TCF20: variants seen among roughly 807,000 people sequenced by gnomAD.
TCF20 encodes the protein SPRE-binding protein.
TCF20 carries 3 observed loss-of-function variants against 148.6 expected under a neutral mutation model. The observed-to-expected ratio is 0.02, with a 90% CI of 0.01 to 0.05. The LOEUF (loss-of-function observed/expected upper bound fraction) is 0.05. TCF20 is among the 10% of genes least tolerant of loss of function. The pLI is 1.00. For missense variants in TCF20, 2,350 were observed against 2,429.3 expected (o/e 0.97, Z 0.69); for synonymous variants, 1,049 against 909.5 (o/e 1.15, Z -2.76).
chr22:42,266,763 A>G (rs1248652439), intron 1 of TCF20, among the ~76,000 whole-genome samples: 1 of 152,130 alleles, frequency 6.6e-6, no homozygotes, highest in East Asian at 1.9e-4. Flanking sequence ...TGGGCAACAG[A>G]GCGAGACTCC....
upstream of TCF20, among the ~76,000 whole-genome samples, chr22:42,287,949 G>A (rs1043154742): frequency 6.6e-6 from 1 of 152,212 alleles, no homozygotes; most frequent in African/African-American, 2.4e-5. Context: ...GCAATTGAGC[G>A]AAAAAGTGCA....
At chr22:42,220,852 TTTCTCC>T (rs1922292205) in intron 1 of TCF20, among the ~76,000 whole-genome samples, 2 of 152,144 alleles carry the variant, frequency 1.3e-5, no homozygotes, top group African/African-American at 4.8e-5. Flanking sequence ...ATATAGCCAC[TTTCTCC>T]AAACTCCAGG....
At chr22:42,180,327 G>A (rs1017622223) in intron 2 of TCF20, among the ~76,000 whole-genome samples, 3 of 152,094 alleles carry the variant, frequency 2.0e-5, no homozygotes, top group African/African-American at 7.2e-5. Context: ...CAGAAAACCT[G>A]CCATGAATTT....
intron 2 of TCF20, among the ~76,000 whole-genome samples, chr22:42,184,521 G>A (rs370784329): frequency 2.6e-5 from 4 of 152,180 alleles, no homozygotes; most frequent in East Asian, 1.9e-4. Flanking sequence ...TTTACCTGGA[G>A]TAGCTATTTG....
At chr22:42,255,710 G>A (rs1925703234) in intron 1 of TCF20, among the ~76,000 whole-genome samples, 1 of 152,116 alleles carries the variant, frequency 6.6e-6, no homozygotes. Flanking sequence ...AATCAGAACA[G>A]TAAGAGGCCA....
At chr22:42,253,055 G>A (rs1925506051) in intron 1 of TCF20, among the ~76,000 whole-genome samples, 1 of 152,084 alleles carries the variant, frequency 6.6e-6, no homozygotes, top group Non-Finnish European at 1.5e-5. Flanking sequence ...GCCTTCAAGT[G>A]ACAGGGGGCC....
At chr22:42,179,461 A>C in intron 3 of TCF20, 148 bp downstream of exon 3, 1 of 553,018 alleles carries the variant, frequency 1.8e-6, no homozygotes, top group African/African-American at 2.0e-5. Flanking sequence ...GAGTGCTGCT[A>C]ATGGGTGGGA....
At chr22:42,257,424 A>G (rs549525457) in intron 1 of TCF20, among the ~76,000 whole-genome samples, 8 of 152,366 alleles carry the variant, frequency 5.3e-5, no homozygotes, top group Non-Finnish European at 8.8e-5. Context: ...ACATAGATTA[A>G]TAAGACATGG....
intron 1 of TCF20, among the ~76,000 whole-genome samples, chr22:42,239,066 C>T (rs1033918644): frequency 6.6e-6 from 1 of 151,622 alleles, no homozygotes; most frequent in Non-Finnish European, 1.5e-5. Context: ...TGCAGTGAGC[C>T]GAAATCGCAC....
At chr22:42,190,587 C>T (rs1937281457) in intron 2 of TCF20, among the ~76,000 whole-genome samples, 1 of 152,230 alleles carries the variant, frequency 6.6e-6, no homozygotes, top group Admixed American at 6.5e-5. Context: ...GCCGTCTGTG[C>T]TTGTCTGCAA....
intron 1 of TCF20, among the ~76,000 whole-genome samples, chr22:42,251,416 A>G (rs948271173): frequency 6.6e-6 from 1 of 151,286 alleles, no homozygotes; most frequent in African/African-American, 2.4e-5. Context: ...TCCTGGGCTC[A>G]AGCAATCTGC....
intron 1 of TCF20, 76 bp from the exon 2 acceptor site, chr22:42,215,417 G>A (rs1319257580): frequency 2.7e-6 from 4 of 1,469,600 alleles, no homozygotes; most frequent in Non-Finnish European, 3.6e-6. Flanking sequence ...ATGATGGAGG[G>A]AATAAAGATG....
In TCF20 at chr22:42,279,280, G is replaced by A. The variant is rs1926849337; in HGVS notation, c.-37+4547C>T. ...AGCACTTTGGGAGGCTGAGGCGGGC[G>A]GATCACCTGAGGTCAGGAGTTCGAA... On this transcript the variant is annotated intron_variant, in intron 1 of 5. Coordinates refer to the TCF20 transcript ENST00000359486. This position sits in a 1 kb window ranked among gnomAD's most constrained non-coding sequence, Gnocchi z 4.3. Among the ~76,000 whole-genome samples the A allele has an allele frequency of 1.3e-5, 2 of 152,050 alleles. No individual in the cohort carries two copies. The highest frequency in any genetic ancestry group is 2.9e-5 in the Non-Finnish European group (2 of 68,002).
chr22:42,169,970 G>T, intron 3 of TCF20, 74 bp from the exon 4 acceptor site: 3 of 1,461,626 alleles, frequency 2.1e-6, no homozygotes, highest in Non-Finnish European at 2.9e-6. Context: ...GGCTGGGATT[G>T]ACAGGGTCAG....
In TCF20 at chr22:42,161,060, A is replaced by G; in HGVS notation, c.*343T>C. 1 of 341,006 alleles carries G rather than the reference A, an allele frequency of 2.9e-6. No individual in the cohort carries two copies. Among genetic ancestry groups the G allele is most frequent in the Non-Finnish European group, 5.3e-6 (1 of 188,814 alleles). 21.1% of individuals were successfully genotyped at this position (341,006 alleles called of 1,614,324 possible). ...TTCCAGACTAAAAATAGATTTATAT[A>G]TATATATTTATCCCTCCCTTTTAAT... On this transcript the variant is annotated 3_prime_UTR_variant, in exon 6 of 6. Transcript: ENST00000677622.
At chr22:42,271,503 T>C (rs1269772047), upstream of TCF20, among the ~76,000 whole-genome samples, 1 of 152,204 alleles carries the variant, frequency 6.6e-6, no homozygotes, top group African/African-American at 2.4e-5. Context: ...ATAAAGAAAA[T>C]CGCAATTGTA....
intron 2 of TCF20, among the ~76,000 whole-genome samples, chr22:42,191,827 A>G (rs1180180129): frequency 6.6e-6 from 1 of 152,220 alleles, no homozygotes; most frequent in Non-Finnish European, 1.5e-5. Flanking sequence ...TCCTCTGAAT[A>G]AAAGCAGAGA....
At chr22:42,235,993 A>G (rs1420680158) in intron 1 of TCF20, among the ~76,000 whole-genome samples, 2 of 152,214 alleles carry the variant, frequency 1.3e-5, no homozygotes, top group Non-Finnish European at 2.9e-5. Context: ...CAGGAGTTCA[A>G]GATCAGCCTG....
At position 42,279,185 on chromosome 22, in the gene TCF20, C is replaced by A. The variant is rs569598728; in HGVS notation, c.-37+4642G>T. 5.9e-5 allele frequency among the ~76,000 whole-genome samples: 9 copies of A among 152,272 alleles called. No individual in the cohort carries two copies. Among genetic ancestry groups the A allele is most frequent in the South Asian group, 2.1e-4 (1 of 4,824 alleles). ...CCCAGCATCATCATCTGCCTCTGTG[C>A]CTTCTTGGTAGTAGGTGGGTGTGAA... On this transcript the variant is annotated intron_variant, in intron 1 of 5. Coordinates refer to the TCF20 transcript ENST00000359486. This position sits in a 1 kb window ranked among gnomAD's most constrained non-coding sequence, Gnocchi z 4.3.
Sources: gnomAD v4.1 joint callset for allele counts (sites outside exome capture counted in the v4.1 genomes callset) on GRCh38, gnomAD v4.1.1 for gene constraint, Gnocchi (gnomAD v3.1) non-coding constraint, MANE v1.5 for transcripts, NCBI Gene and HGNC (gene_info 2026-07-23, HGNC 2026-07-21) for gene names.